TMEM74: variants seen among roughly 807,000 people sequenced by gnomAD.
The protein encoded by TMEM74 is transmembrane protein 74.
TMEM74 carries 13 observed loss-of-function variants against 18.1 expected under a neutral mutation model. The ratio of observed to expected loss-of-function variants is 0.72; its 90% CI spans 0.47 to 1.14. The LOEUF (loss-of-function observed/expected upper bound fraction) is 1.14, where lower values mean the gene tolerates loss of function less well. TMEM74 is among the 50% of genes most tolerant of loss of function. The probability of loss-of-function intolerance (pLI) is 0.00; values close to 1 mark genes in which losing one functional copy is unlikely to be tolerated. For synonymous variants in TMEM74, 159 were observed against 146.6 expected (o/e 1.08, Z -0.61); for missense variants, 372 against 375.9 (o/e 0.99, Z 0.09).
At chr8:108,786,396 T>A (rs905316638) in intron 1 of TMEM74, among the ~76,000 whole-genome samples, 2 of 152,190 alleles carry the variant, frequency 1.3e-5, no homozygotes, top group Admixed American at 1.3e-4. Flanking sequence ...ATAATTGATT[T>A]AACCCAACGG....
chr8:108,673,164 A>G (rs957325432), intron 1 of TMEM74, among the ~76,000 whole-genome samples: 1 of 152,208 alleles, frequency 6.6e-6, no homozygotes, highest in African/African-American at 2.4e-5. Context: ...AACTCCATAG[A>G]TATAGCACTT....
At chr8:108,610,044 C>G (rs1377858280) in intron 2 of TMEM74, among the ~76,000 whole-genome samples, 2 of 152,184 alleles carry the variant, frequency 1.3e-5, no homozygotes, top group Non-Finnish European at 2.9e-5. Context: ...TAAGTACCAC[C>G]TGAAAAGATC....
intron 1 of TMEM74, among the ~76,000 whole-genome samples, chr8:108,681,285 A>G (rs2130599163): frequency 6.6e-6 from 1 of 152,328 alleles, no homozygotes; most frequent in East Asian, 1.9e-4. Flanking sequence ...GGCTACAGTA[A>G]CCAAAACAGC....
chr8:108,728,373 T>C (rs1231682500), intron 1 of TMEM74, among the ~76,000 whole-genome samples: 1 of 152,168 alleles, frequency 6.6e-6, no homozygotes, highest in Non-Finnish European at 1.5e-5. Context: ...AGTCTTTAGA[T>C]ATCAGCATGA....
At chr8:108,617,367 A>G (rs1457722347) in intron 2 of TMEM74, among the ~76,000 whole-genome samples, 2 of 152,110 alleles carry the variant, frequency 1.3e-5, no homozygotes, top group Non-Finnish European at 2.9e-5. Context: ...AATGCTACTG[A>G]TAACCTTTTT....
chr8:108,609,165 G>GC (rs552445903), intron 2 of TMEM74, among the ~76,000 whole-genome samples: 51 of 152,312 alleles, frequency 3.3e-4, no homozygotes, highest in African/African-American at 1.2e-3. Context: ...ATGCACATAA[G>GC]CAAGGCTGAA....
At chr8:108,706,463 T>A (rs185083571) in intron 1 of TMEM74, among the ~76,000 whole-genome samples, 169 of 152,282 alleles carry the variant, frequency 1.1e-3, no homozygotes, top group Middle Eastern at 6.8e-3. Flanking sequence ...GCTCATCACC[T>A]CTTTTAAGTC....
chr8:108,657,859 A>AAAATAT (rs1554630268), intron 1 of TMEM74, among the ~76,000 whole-genome samples: 2 of 49,886 alleles, frequency 4.0e-5, no homozygotes, highest in Non-Finnish European at 7.0e-5. Flanking sequence ...AAAAAAAAAA[A>AAAATAT]ATATATATAT....
rs529591060 is a variant in TMEM74, at chr8:108,620,422, T to C, written n.265-11596A>G. ...TGGGGTGGAGGGTTGTAATGGGATA[T>C]GGGTAGGGATGGAAAGATATTTATT... On this transcript the variant is annotated intron_variant and non_coding_transcript_variant, in intron 2 of 3. Transcript: ENST00000518838. Among the ~76,000 whole-genome samples, 10 of 152,168 alleles carry C rather than the reference T, an allele frequency of 6.6e-5. No homozygotes were observed. In the South Asian group the frequency reaches 2.1e-3, roughly 32 times the overall value.
intron 1 of TMEM74, among the ~76,000 whole-genome samples, chr8:108,719,860 A>T (rs905730346): frequency 6.6e-6 from 1 of 152,182 alleles, no homozygotes. Context: ...TCCTCTAAAC[A>T]GGTTATACCA....
intron 1 of TMEM74, among the ~76,000 whole-genome samples, chr8:108,745,588 C>CATATAT (rs1813841098): frequency 6.6e-6 from 1 of 151,952 alleles, no homozygotes; most frequent in South Asian, 2.1e-4. Context: ...AATAAACGTA[C>CATATAT]ATATATGTAA....
chr8:108,710,385 C>T (rs528792021), intron 1 of TMEM74, among the ~76,000 whole-genome samples: 1 of 152,306 alleles, frequency 6.6e-6, no homozygotes, highest in Non-Finnish European at 1.5e-5. Context: ...GCAAGTCATG[C>T]TTGCCACTGT....
intron 1 of TMEM74, among the ~76,000 whole-genome samples, chr8:108,740,059 T>C (rs1279676534): frequency 1.3e-5 from 2 of 152,004 alleles, no homozygotes; most frequent in African/African-American, 4.8e-5. Context: ...GGTTTAGCAT[T>C]TATAAGGTAC....
At position 108,626,165 on chromosome 8, in the gene TMEM74, T is replaced by TGTAA. The variant is rs1177670740; in HGVS notation, n.265-17340_265-17339insTTAC. Among the ~76,000 whole-genome samples, 17 of 152,216 alleles carry TGTAA rather than the reference T, an allele frequency of 1.1e-4. No individual in the cohort carries two copies. The South Asian group carries it at 3.5e-3, about 32-fold the overall frequency. On this transcript the variant is annotated intron_variant and non_coding_transcript_variant, in intron 2 of 3. Coordinates refer to the TMEM74 transcript ENST00000518838. ...ACTATTCTATTGTTTGTATTACAAC[T>TGTAA]ATTTTCTACATTATTTACATTATTA...
chr8:108,746,907 A>G (rs1409658000), intron 1 of TMEM74, among the ~76,000 whole-genome samples: 1 of 152,130 alleles, frequency 6.6e-6, no homozygotes, highest in Non-Finnish European at 1.5e-5. Flanking sequence ...CCCTTTCCTC[A>G]TGCCTTGCCC....
intron 2 of TMEM74, among the ~76,000 whole-genome samples, chr8:108,635,499 T>C (rs548376054): frequency 3.5e-4 from 53 of 152,242 alleles, no homozygotes; most frequent in Non-Finnish European, 6.3e-4. Flanking sequence ...TTTGCTAATT[T>C]TTTAGATGTT....
At chr8:108,659,932 G>A (rs1812883707) in intron 1 of TMEM74, among the ~76,000 whole-genome samples, 1 of 152,082 alleles carries the variant, frequency 6.6e-6, no homozygotes, top group African/African-American at 2.4e-5. Context: ...CTCCCTTCAG[G>A]ACAACTTTGA....
chr8:108,775,014 C>G (rs922552487), downstream of TMEM74, among the ~76,000 whole-genome samples: 1 of 152,110 alleles, frequency 6.6e-6, no homozygotes, highest in African/African-American at 2.4e-5. Context: ...ATAGTATTCT[C>G]ATAAAGTTGC....
intron 2 of TMEM74, among the ~76,000 whole-genome samples, chr8:108,627,553 G>T (rs1394202222): frequency 6.6e-6 from 1 of 151,990 alleles, no homozygotes; most frequent in African/African-American, 2.4e-5. Flanking sequence ...GCACTCAATA[G>T]AGTTTAACCA....
Sources: gnomAD v4.1 joint callset for allele counts (sites outside exome capture counted in the v4.1 genomes callset) on GRCh38, gnomAD v4.1.1 for gene constraint, MANE v1.5 for transcripts, NCBI Gene and HGNC (gene_info 2026-07-23, HGNC 2026-07-21) for gene names.